CLEC12A: variants seen among roughly 807,000 people sequenced by gnomAD.
CLEC12A encodes the protein C-type lectin protein CLL-1.
CLEC12A carries 22 observed loss-of-function variants against 26.5 expected under a neutral mutation model. That is an observed-to-expected ratio of 0.83 (90% CI 0.59 to 1.19). The LOEUF (loss-of-function observed/expected upper bound fraction) is 1.19, where lower values mean the gene tolerates loss of function less well. CLEC12A is among the 50% of genes most tolerant of loss of function. CLEC12A has a pLI of 0.00. For synonymous variants in CLEC12A, 119 were observed against 101.9 expected, an observed-to-expected ratio of 1.17 and a Z score of -1.01; for missense variants, 353 against 315.6, an observed-to-expected ratio of 1.12 and a Z score of -0.90.
chr12:9,975,097 G>T (rs1327361158), intron 1 of CLEC12A, among the ~76,000 whole-genome samples: 1 of 152,190 alleles, frequency 6.6e-6, no homozygotes, highest in African/African-American at 2.4e-5. Context: ...GGAACCATGA[G>T]TCCATTAAAC....
At chr12:9,982,614 G>T (rs1864606110) in intron 5 of CLEC12A, among the ~76,000 whole-genome samples, 2 of 152,052 alleles carry the variant, frequency 1.3e-5, no homozygotes, top group South Asian at 4.1e-4. Flanking sequence ...TGATACTTTT[G>T]TTATAAATGA....
chr12:9,997,271 G>A, downstream of CLEC12A: 1 of 1,610,454 alleles, frequency 6.2e-7, no homozygotes, highest in South Asian at 1.1e-5. Flanking sequence ...TAATTGCGCT[G>A]CATGACAGCT....
At chr12:9,998,001 G>C (rs1043181481), downstream of CLEC12A, among the ~76,000 whole-genome samples, 2 of 151,764 alleles carry the variant, frequency 1.3e-5, no homozygotes, top group Non-Finnish European at 2.9e-5. Flanking sequence ...GGATGAAAAA[G>C]TTTTTAAAAA....
chr12:10,002,094 G>A, the CLEC12A span, among the ~76,000 whole-genome samples: 1 of 151,912 alleles, frequency 6.6e-6, no homozygotes, highest in Non-Finnish European at 1.5e-5. Flanking sequence ...TGTTAGTCAG[G>A]ATGGTCTTGA....
chr12:9,985,213 T>C lies in CLEC12A; in HGVS notation c.*187T>C, dbSNP rs1326679984. On this transcript the variant is annotated 3_prime_UTR_variant, in exon 6 of 6. Coordinates refer to ENST00000304361, the MANE Select transcript of CLEC12A (RefSeq NM_138337.6). ...TGTGAATGTTAATGCCAGAGAGGTATAATGAAGCATGTCCCACCTCCCACT... is the reference window on the plus strand; with the variant it reads ...TGTGAATGTTAATGCCAGAGAGGTACAATGAAGCATGTCCCACCTCCCACT... 1.8e-6 allele frequency: 1 copy of C among 542,140 alleles called. No homozygotes were observed. The highest frequency in any genetic ancestry group is 2.8e-6 in the Non-Finnish European group (1 of 353,438). The allele number at this position is 542,140 out of a possible 1,614,324, so 33.6% of individuals were successfully genotyped here.
At chr12:9,971,262 G>C (rs525013), upstream of CLEC12A, 3 of 228,002 alleles carry the variant, frequency 1.3e-5, no homozygotes, top group Non-Finnish European at 2.2e-5. Flanking sequence ...GCATGACACT[G>C]ATGATGTTAT....
At chr12:9,987,744 G>T (rs576358541), downstream of CLEC12A, among the ~76,000 whole-genome samples, 2 of 151,368 alleles carry the variant, frequency 1.3e-5, no homozygotes, top group Non-Finnish European at 2.9e-5. Context: ...GTATGTTTTT[G>T]TTTGTTTTTT....
chr12:9,980,596 C>A lies in CLEC12A; in HGVS notation c.394C>A (p.Pro132Thr), dbSNP rs1037243490. Reference protein sequence around the residue: ...YSKEQEHKCKPCPRRWIWHKD... With the variant: ...YSKEQEHKCKTCPRRWIWHKD... ...TCTTCTTCCAGAGCACAAATGTAAG[C>A]CTTGTCCAAGGAGATGGATTTGGCA... Residue 132 changes from proline to threonine, a missense_variant, in exon 4 of 6, where the codon CCT becomes ACT. Physicochemically the swap from Pro to Thr is conservative, Grantham distance 38. Transcript: ENST00000304361. 1 of 1,613,168 alleles carries A rather than the reference C, an allele frequency of 6.2e-7. No homozygotes were observed. Among genetic ancestry groups the A allele is most frequent in the East Asian group, 2.2e-5 (1 of 44,872 alleles).
chr12:10,001,189 G>C, the CLEC12A span, among the ~76,000 whole-genome samples: 1 of 152,188 alleles, frequency 6.6e-6, no homozygotes, highest in Admixed American at 6.5e-5. Context: ...AGATTGCTTT[G>C]TTGAGGTTTC....
Position 9,971,620 on chromosome 12 carries a change from A to G in CLEC12A, c.24A>G (p.Ala8=). The change falls in exon 1 of 6, where the codon GCA becomes GCG. Residue 8 remains alanine, a synonymous_variant. Coordinates refer to ENST00000304361, the MANE Select transcript of CLEC12A (RefSeq NM_138337.6). ...CAATGTCTGAAGAAGTTACTTATGCAGATCTTCAATTCCAGAACTCCAGTG... is the reference window on the plus strand; with the variant it reads ...CAATGTCTGAAGAAGTTACTTATGCGGATCTTCAATTCCAGAACTCCAGTG... The part of the protein sequence containing the change: MSEEVTY[A]DLQFQNSSEM... 1 of 1,609,428 alleles carries G rather than the reference A, an allele frequency of 6.2e-7. No homozygotes were observed. The highest frequency in any genetic ancestry group is 8.5e-7 in the Non-Finnish European group (1 of 1,177,856).
upstream of CLEC12A, among the ~76,000 whole-genome samples, chr12:9,969,511 T>C (rs1202687647): frequency 6.6e-6 from 1 of 152,240 alleles, no homozygotes; most frequent in Non-Finnish European, 1.5e-5. Flanking sequence ...TTGTATGAAG[T>C]AATACTTATT....
upstream of CLEC12A, among the ~76,000 whole-genome samples, chr12:9,969,391 A>G (rs2137130240): frequency 6.6e-6 from 1 of 152,290 alleles, no homozygotes; most frequent in South Asian, 2.1e-4. Context: ...ATCAATAACA[A>G]AATTTTTAAA....
At chr12:9,995,885 G>A (rs78951226), downstream of CLEC12A, among the ~76,000 whole-genome samples, 266 of 152,146 alleles carry the variant, frequency 1.7e-3, 1 homozygote, top group African/African-American at 6.3e-3. Context: ...CTCTTGTCGA[G>A]GTTAAGCATT....
chr12:9,995,233 G>A, exon 5 of CLEC12A: 1 of 1,612,444 alleles, frequency 6.2e-7, no homozygotes. Flanking sequence ...ATGAGTCCTG[G>A]CTTTGATGTA....
intron 3 of CLEC12A, 43 bp from the exon 4 acceptor site, chr12:9,980,539 T>C: frequency 5.7e-6 from 9 of 1,571,620 alleles, no homozygotes; most frequent in Non-Finnish European, 7.8e-6. Flanking sequence ...AGAATTATTA[T>C]GACTATCAAC....
At chr12:9,959,944 A>G (rs1271583218) in intron 1 of CLEC12A, among the ~76,000 whole-genome samples, 1 of 152,202 alleles carries the variant, frequency 6.6e-6, no homozygotes, top group African/African-American at 2.4e-5. Context: ...TAGGGAATAT[A>G]TTAACTAGTC....
chr12:9,981,702 G>T (rs1864566327), intron 4 of CLEC12A, among the ~76,000 whole-genome samples: 1 of 151,834 alleles, frequency 6.6e-6, no homozygotes, highest in Non-Finnish European at 1.5e-5. Context: ...CACCTCCTTT[G>T]GCCCTGGACA....
chr12:9,992,010 T>G (rs1864905548), intron 4 of CLEC12A: 2 of 152,086 alleles, frequency 1.3e-5, no homozygotes, highest in South Asian at 4.1e-4. Context: ...CCTATTTGGT[T>G]TCTCTATGTT....
chr12:9,960,264 A>G (rs1041767952), intron 1 of CLEC12A, among the ~76,000 whole-genome samples: 1 of 152,184 alleles, frequency 6.6e-6, no homozygotes, highest in Non-Finnish European at 1.5e-5. Flanking sequence ...TAGATAAGAA[A>G]CTGTAAAAGG....
Sources: allele counts gnomAD v4.1 joint callset (sites outside exome capture counted in the v4.1 genomes callset), GRCh38; gene constraint gnomAD v4.1.1; transcripts MANE v1.5; gene names NCBI Gene and HGNC (gene_info 2026-07-23, HGNC 2026-07-21).